The following SOX10 variants were observed in gnomAD, a reference collection of about 807,000 sequenced individuals.
SOX10 encodes the protein SRY-box transcription factor 10.
Under a neutral mutation model 35.0 loss-of-function variants are expected in SOX10, and 3 were observed. The ratio of observed to expected loss-of-function variants is 0.09; its 90% CI spans 0.04 to 0.22. The LOEUF (loss-of-function observed/expected upper bound fraction) is 0.22. Among genes scored for constraint, SOX10 ranks in the 10% least tolerant of loss-of-function variants. The pLI, the probability that SOX10 is intolerant of heterozygous loss-of-function variation, is 1.00. For synonymous variants in SOX10, 285 were observed against 291.0 expected (o/e 0.98, Z 0.21); for missense variants, 436 against 655.1 (o/e 0.67, Z 3.65).
Position 37,983,946 on chromosome 22 carries a change from C to T in SOX10, c.-84-78G>A, listed in dbSNP as rs1444952889. The T allele has an allele frequency of 4.4e-6, 2 of 450,926 alleles. No homozygotes were observed. The highest frequency in any genetic ancestry group is 7.1e-6 in the Non-Finnish European group (2 of 283,656). 27.9% of individuals were successfully genotyped at this position (450,926 alleles called of 1,614,324 possible). A position where few individuals can be genotyped will look rare whatever the true frequency, so the allele number is the denominator to read the frequency against. On this transcript the variant is annotated intron_variant, in intron 1 of 3. Coordinates refer to ENST00000396884, the MANE Select transcript of SOX10 (RefSeq NM_006941.4). This position sits in a 1 kb window ranked among gnomAD's most constrained non-coding sequence, Gnocchi z 9.5. ...GCCCGAGACAGGACGTGGGCACAGC[C>T]CCGAGGTGGCGGCCCTTCCTGCTCC...
chr22:37,978,125 C>T lies in SOX10; in HGVS notation c.439G>A (p.Glu147Lys), dbSNP rs1428993903. 4 of 1,568,644 alleles carry T rather than the reference C, an allele frequency of 2.5e-6. No homozygotes were observed. Among genetic ancestry groups the T allele is most frequent in the African/African-American group, 1.3e-5 (1 of 74,364 alleles). Residue 147 changes from glutamate (E) to lysine (K), a missense_variant, in exon 3 of 4, where the codon GAA (glutamate) becomes AAA (lysine). By Grantham distance (56) the Glu-to-Lys change is moderately conservative. Coordinates refer to ENST00000396884, the MANE Select transcript of SOX10 (RefSeq NM_006941.4). The surrounding 1 kb of genome is among the most constrained non-coding windows in gnomAD (Gnocchi z 5.0). ...TLGKLWRLLNESDKRPFIEEA... is the reference protein window; with the variant it reads ...TLGKLWRLLNKSDKRPFIEEA... ...TCGATGAAGGGGCGCTTGTCACTTT[C>T]GTTCAGCAGCCTGGGGTGTGGTGGG...
At position 37,973,303 on chromosome 22, in the gene SOX10, T is replaced by C; in HGVS notation, c.*192A>G. The C allele has an allele frequency of 1.8e-6, 1 of 565,988 alleles. No individual in the cohort carries two copies. The highest frequency in any genetic ancestry group is 3.1e-6 in the Non-Finnish European group (1 of 318,278). 35.1% of individuals were successfully genotyped at this position (565,988 alleles called of 1,614,324 possible). A position where few individuals can be genotyped will look rare whatever the true frequency, so the allele number is the denominator to read the frequency against. On this transcript the variant is annotated 3_prime_UTR_variant, in exon 4 of 4. Transcript: ENST00000396884. The stretch of plus-strand genomic sequence containing the variant: ...CTGTCCAGCCTGTTCTCCTGGGGCT[T>C]TGCTGCTGGAGCCTGGATGGGGCGG...
At chr22:37,979,244 C>T (rs949319370) in intron 2 of SOX10, among the ~76,000 whole-genome samples, 2 of 151,342 alleles carry the variant, frequency 1.3e-5, no homozygotes, top group South Asian at 2.1e-4. Flanking sequence ...ACTACAGGCA[C>T]GCACCACCAT....
chr22:37,983,913 C>T lies in SOX10; in HGVS notation c.-84-45G>A. 1 of 737,996 alleles carries T rather than the reference C, an allele frequency of 1.4e-6. No homozygotes were observed. Among genetic ancestry groups the T allele is most frequent in the Non-Finnish European group, 1.9e-6 (1 of 537,784 alleles). 45.7% of individuals were successfully genotyped at this position (737,996 alleles called of 1,614,324 possible). A position where few individuals can be genotyped will look rare whatever the true frequency, so the allele number is the denominator to read the frequency against. On this transcript the variant is annotated intron_variant, in intron 1 of 3. Coordinates refer to ENST00000396884, the MANE Select transcript of SOX10 (RefSeq NM_006941.4). This position sits in a 1 kb window ranked among gnomAD's most constrained non-coding sequence, Gnocchi z 9.5. ...GATGGAGCGGCCGCGCGCGCAGCCC[C>T]GAGGGCGGCCCGAGACAGGACGTGG...
rs779933527 is a variant in SOX10, at chr22:37,977,920, C to T, written c.644G>A (p.Arg215Gln). The change falls in exon 3 of 4, where the codon CGG becomes CAG. Residue 215 changes from arginine to glutamine, a missense_variant. Physicochemically the swap from Arg to Gln is conservative, Grantham distance 43. This residue lies in a region of SOX10 where 285 missense variants were observed against 402.9 expected (regional missense o/e 0.71). Coordinates refer to ENST00000396884, the MANE Select transcript of SOX10 (RefSeq NM_006941.4). The part of the protein sequence containing the change: ...AHYKSAHLDH[R>Q]HPGEGSPMSD... ...CATGGGGGAGCCCTCTCCTGGGTGC[C>T]GGTGGTCCAAGTGGGCGCTCTTGTA... 5.3e-5 allele frequency: 85 copies of T among 1,613,020 alleles called. No homozygotes were observed. The highest frequency in any genetic ancestry group is 3.3e-4 in the South Asian group (30 of 91,050).
chr22:37,976,070 A>G (rs1028667940), intron 3 of SOX10, among the ~76,000 whole-genome samples: 7 of 152,078 alleles, frequency 4.6e-5, no homozygotes, highest in African/African-American at 1.4e-4. Context: ...TAAAAATACA[A>G]TAATTAGCTG....
chr22:37,981,798 T>C (rs1932405557), intron 2 of SOX10, among the ~76,000 whole-genome samples: 1 of 152,170 alleles, frequency 6.6e-6, no homozygotes, highest in Admixed American at 6.5e-5. Context: ...CCTCTGCTCT[T>C]GGGCAGAACT....
Position 37,980,603 on chromosome 22 carries a change from T to C in SOX10, c.429-2468A>G, listed in dbSNP as rs1932368359. Among the ~76,000 whole-genome samples, 1 of 151,934 alleles carries C rather than the reference T, an allele frequency of 6.6e-6. No individual in the cohort carries two copies. On this transcript the variant is annotated intron_variant, in intron 2 of 3. Coordinates refer to ENST00000396884, the MANE Select transcript of SOX10 (RefSeq NM_006941.4). This position sits in a 1 kb window ranked among gnomAD's most constrained non-coding sequence, Gnocchi z 4.1. ...AACCCCAAGCCCAGCCTGCCCACCA[T>C]GTAAACCCAATCTCCAGCACCAGTC... is the stretch of plus-strand genomic sequence containing the variant.
Position 37,973,707 on chromosome 22 carries a change from G to T in SOX10, c.1189C>A (p.Arg397Ser). Residue 397 changes from arginine to serine, a missense_variant, in exon 4 of 4, where the codon CGC becomes AGC. By Grantham distance (110) the Arg-to-Ser change is moderately radical (BLOSUM62 -1). This residue lies in a region of SOX10 where 285 missense variants were observed against 402.9 expected (regional missense o/e 0.71). Transcript: ENST00000396884. ...TGGTCAGAGTAGTCAAACTGGGGGCGGGAGATGGAGGGGAAGGCTGAGCCA... is the reference window on the plus strand; with the variant it reads ...TGGTCAGAGTAGTCAAACTGGGGGCTGGAGATGGAGGGGAAGGCTGAGCCA... ...HYGSAFPSIS[R>S]PQFDYSDHQP... 6.2e-7 allele frequency: 1 copy of T among 1,606,978 alleles called. No homozygotes were observed. Among genetic ancestry groups the T allele is most frequent in the African/African-American group, 1.3e-5 (1 of 74,828 alleles).
rs766963456 is a variant in SOX10, at chr22:37,974,179, G to T, written c.717C>A (p.Pro239=). 1.2e-6 allele frequency: 2 copies of T among 1,605,354 alleles called. No homozygotes were observed. The highest frequency in any genetic ancestry group is 8.5e-7 in the Non-Finnish European group (1 of 1,179,648). ...CTGTCTTCGGGGTGGTTGGAGGGGTGGGTGGGCCATGGCTCTGGCCTGGGT... is the reference window on the plus strand; with the variant it reads ...CTGTCTTCGGGGTGGTTGGAGGGGTTGGTGGGCCATGGCTCTGGCCTGGGT... ...EHPSGQSHGP[P]TPPTTPKTEL... is the part of the protein sequence containing the mutation. Residue 239 remains proline, a synonymous_variant, in exon 4 of 4, where the codon CCC becomes CCA. Coordinates refer to ENST00000396884, the MANE Select transcript of SOX10 (RefSeq NM_006941.4). The surrounding 1 kb of genome is among the most constrained non-coding windows in gnomAD (Gnocchi z 5.4).
Position 37,983,830 on chromosome 22 carries a change from G to T in SOX10, c.-46C>A. 1 of 1,356,794 alleles carries T rather than the reference G, an allele frequency of 7.4e-7. No individual in the cohort carries two copies. Among genetic ancestry groups the T allele is most frequent in the Non-Finnish European group, 9.5e-7 (1 of 1,053,588 alleles). The allele number at this position is 1,356,794 out of a possible 1,614,324, so 84.0% of individuals were successfully genotyped here. On this transcript the variant is annotated 5_prime_UTR_variant, in exon 2 of 4. Coordinates refer to ENST00000396884, the MANE Select transcript of SOX10 (RefSeq NM_006941.4). This position sits in a 1 kb window ranked among gnomAD's most constrained non-coding sequence, Gnocchi z 9.5. Reference sequence around the variant, plus strand: ...CCGCCGCCTCGGCCGCCTCCCCCGGGCCAGCCGCCGGGGTCCTCGCAAAGA... The same window carrying T: ...CCGCCGCCTCGGCCGCCTCCCCCGGTCCAGCCGCCGGGGTCCTCGCAAAGA...
rs1014494463 is a variant in SOX10 at position 37,972,776 on chromosome 22, T to A, written c.*719A>T. 1.3e-5 allele frequency: 2 copies of A among 156,542 alleles called. No homozygotes were observed. The highest frequency in any genetic ancestry group is 2.8e-5 in the Non-Finnish European group (2 of 70,522). 9.7% of individuals were successfully genotyped at this position (156,542 alleles called of 1,614,324 possible). On this transcript the variant is annotated 3_prime_UTR_variant, in exon 4 of 4. Coordinates refer to ENST00000396884, the MANE Select transcript of SOX10 (RefSeq NM_006941.4). ...CTGGAGCCCCTGCCTCGTCACCTCC[T>A]GGGATGCGTCTCAAGGTCATGGAGG...
At chr22:37,975,148 A>G (rs1452146266) in intron 3 of SOX10, among the ~76,000 whole-genome samples, 1 of 152,190 alleles carries the variant, frequency 6.6e-6, no homozygotes, top group East Asian at 1.9e-4. Context: ...TTAATTTAGC[A>G]AACTCTTAGG....
rs939525899 is a variant in SOX10, at chr22:37,984,296, C to T, written c.-85+43G>A. On this transcript the variant is annotated intron_variant, in intron 1 of 3. Coordinates refer to ENST00000396884, the MANE Select transcript of SOX10 (RefSeq NM_006941.4). This position sits in a 1 kb window ranked among gnomAD's most constrained non-coding sequence, Gnocchi z 4.4. ...GCCTCTCTCCACCTCACAGCAGGGT[C>T]CCAGGCCTGGGCGGGCCAGGGAGGA... The T allele has an allele frequency of 1.3e-5, 2 of 153,758 alleles. No individual in the cohort carries two copies. The highest frequency in any genetic ancestry group is 2.9e-5 in the Non-Finnish European group (2 of 69,000). 9.5% of individuals were successfully genotyped at this position (153,758 alleles called of 1,614,324 possible). A position where few individuals can be genotyped will look rare whatever the true frequency, so the allele number is the denominator to read the frequency against.
At position 37,980,798 on chromosome 22, in the gene SOX10, C is replaced by T. The variant is rs571416465; in HGVS notation, c.428+2559G>A. The stretch of plus-strand genomic sequence containing the variant: ...CCTCACCCAAACTGGAAACCCCAAC[C>T]GGGGACCTCCCACAGTGGGGCACTG... On this transcript the variant is annotated intron_variant, in intron 2 of 3. Coordinates refer to ENST00000396884, the MANE Select transcript of SOX10 (RefSeq NM_006941.4). The surrounding 1 kb of genome is among the most constrained non-coding windows in gnomAD (Gnocchi z 4.1). Among the ~76,000 whole-genome samples the T allele has an allele frequency of 3.3e-5, 5 of 152,352 alleles. No homozygotes were observed. Among genetic ancestry groups the T allele is most frequent in the African/African-American group, 7.2e-5 (3 of 41,580 alleles).
In SOX10 at chr22:37,973,760, G is replaced by A. The variant is rs1325418333; in HGVS notation, c.1136C>T (p.Ala379Val). 2 of 1,598,234 alleles carry A rather than the reference G, an allele frequency of 1.3e-6. No homozygotes were observed. The highest frequency in any genetic ancestry group is 1.7e-6 in the Non-Finnish European group (2 of 1,169,852). The stretch of plus-strand genomic sequence containing the variant: ...GTGGGGCAGGCTGAGGGAGGTGTAG[G>A]CGATCTGTGAGGTGGATGGCTGGTC... ...YTDQPSTSQIAYTSLSLPHYG... is the reference protein window; with the variant it reads ...YTDQPSTSQIVYTSLSLPHYG... Residue 379 changes from alanine to valine, a missense_variant, in exon 4 of 4, where the codon GCC becomes GTC. Physicochemically the swap from Ala to Val is moderately conservative, Grantham distance 64. Coordinates refer to ENST00000396884, the MANE Select transcript of SOX10 (RefSeq NM_006941.4).
At chr22:37,981,156 T>A (rs1345146288) in intron 2 of SOX10, among the ~76,000 whole-genome samples, 1 of 152,188 alleles carries the variant, frequency 6.6e-6, no homozygotes. Context: ...GTGTGTATCT[T>A]TCTCTTTTTG....
At position 37,982,883 on chromosome 22, in the gene SOX10, C is replaced by T. The variant is rs1181662018; in HGVS notation, c.428+474G>A. ...CATCCCTCACTCTTCCAAAGACTCTCATCTGAATTCCGTTTTCTTTAAACC... is the reference window on the plus strand; with the variant it reads ...CATCCCTCACTCTTCCAAAGACTCTTATCTGAATTCCGTTTTCTTTAAACC... On this transcript the variant is annotated intron_variant, in intron 2 of 3. Coordinates refer to ENST00000396884, the MANE Select transcript of SOX10 (RefSeq NM_006941.4). Among the ~76,000 whole-genome samples the T allele has an allele frequency of 2.6e-5, 4 of 152,218 alleles. No homozygotes were observed. The East Asian group carries it at 7.7e-4, about 29-fold the overall frequency.
Position 37,983,778 on chromosome 22 carries a change from C to G in SOX10, c.7G>C (p.Glu3Gln). The G allele has an allele frequency of 6.9e-7, 1 of 1,450,900 alleles. No homozygotes were observed. Among genetic ancestry groups the G allele is most frequent in the Non-Finnish European group, 9.1e-7 (1 of 1,103,634 alleles). 89.9% of individuals were successfully genotyped at this position (1,450,900 alleles called of 1,614,324 possible). A position where few individuals can be genotyped will look rare whatever the true frequency, so the allele number is the denominator to read the frequency against. Reference sequence around the variant, plus strand: ...TCCACCTCCGATAGGTCCTGCTCCTCCGCCATGTCGCCCCCGGCCGCCGCC... The same window carrying G: ...TCCACCTCCGATAGGTCCTGCTCCTGCGCCATGTCGCCCCCGGCCGCCGCC... MA[E>Q]EQDLSEVELS... is the part of the protein sequence containing the mutation. Residue 3 changes from glutamate to glutamine, a missense_variant, in exon 2 of 4, where the codon GAG becomes CAG. Coordinates refer to ENST00000396884, the MANE Select transcript of SOX10 (RefSeq NM_006941.4). The surrounding 1 kb of genome is among the most constrained non-coding windows in gnomAD (Gnocchi z 9.5).
Sources: gnomAD v4.1 joint callset for allele counts (sites outside exome capture counted in the v4.1 genomes callset) on GRCh38, gnomAD v4.1.1 for gene constraint, gnomAD v4.1.1 regional missense constraint, Gnocchi (gnomAD v3.1) non-coding constraint, MANE v1.5 for transcripts, NCBI Gene and HGNC (gene_info 2026-07-23, HGNC 2026-07-21) for gene names.